The following TRRAP variants were observed in gnomAD, a reference collection of about 807,000 sequenced individuals.
TRRAP encodes transformation/transcription domain associated protein.
In TRRAP, 41 loss-of-function variants were observed where a neutral mutation model predicts 438.8. That is an observed-to-expected ratio of 0.09 (90% CI 0.07 to 0.12). TRRAP has a LOEUF of 0.12. Ranked by LOEUF, TRRAP falls within the 10% of genes least tolerant of loss-of-function variation. The pLI is 1.00. For synonymous variants in TRRAP, 1,994 were observed against 1,962.9 expected (o/e 1.02, Z -0.42); for missense variants, 3,122 against 5,055.1 (o/e 0.62, Z 11.60).
intron 58 of TRRAP, among the ~76,000 whole-genome samples, chr7:98,980,565 A>G (rs1792872013): frequency 6.6e-6 from 1 of 152,182 alleles, no homozygotes; most frequent in Non-Finnish European, 1.5e-5. Flanking sequence ...CGGTTGGCCC[A>G]GGCTCATCGG....
Position 98,925,260 on chromosome 7 carries a change from C to T in TRRAP, c.2972C>T (p.Pro991Leu). 1 of 1,613,498 alleles carries T rather than the reference C, an allele frequency of 6.2e-7. No homozygotes were observed. The change falls in exon 22 of 73, where the codon CCC becomes CTC. Residue 991 changes from proline (P) to leucine (L), a missense_variant. Coordinates refer to ENST00000456197, the MANE Select transcript of TRRAP (RefSeq NM_001375524.1). ...KHALYQLLAH[P>L]NFTEKTIPNV... is the part of the protein sequence containing the mutation. The stretch of plus-strand genomic sequence containing the variant: ...GCACTCTACCAGCTCCTGGCACACC[C>T]CAAGTATGTCGGCCACTTCCTTCTG...
At chr7:98,996,619 TTCTTA>T (rs765243586) in intron 67 of TRRAP, among the ~76,000 whole-genome samples, 2 of 152,242 alleles carry the variant, frequency 1.3e-5, no homozygotes, top group Admixed American at 6.5e-5. Context: ...TAATTTTCAT[TTCTTA>T]TCTTCAACTT....
intron 30 of TRRAP, among the ~76,000 whole-genome samples, chr7:98,942,540 C>G (rs1001882740): frequency 1.7e-4 from 26 of 152,276 alleles, no homozygotes; most frequent in African/African-American, 6.0e-4. Flanking sequence ...TTATGTTTAC[C>G]TTTTTCCTCA....
intron 18 of TRRAP, among the ~76,000 whole-genome samples, chr7:98,913,695 C>G (rs1410822112): frequency 6.6e-6 from 1 of 152,114 alleles, no homozygotes; most frequent in Non-Finnish European, 1.5e-5. Context: ...AAATTCTGAT[C>G]AGTCTGTGCT....
intron 51 of TRRAP, 65 bp downstream of exon 51, chr7:98,967,763 A>G: frequency 2.1e-6 from 3 of 1,460,862 alleles, no homozygotes; most frequent in Non-Finnish European, 2.8e-6. Context: ...TGGGGCTCCA[A>G]AGCCAGGAGG....
chr7:98,896,383 T>G (rs2116327853), intron 7 of TRRAP, among the ~76,000 whole-genome samples: 1 of 152,252 alleles, frequency 6.6e-6, no homozygotes, highest in African/African-American at 2.4e-5. Flanking sequence ...TCCAGACTCT[T>G]CTTCTGGGAA....
Position 98,964,735 on chromosome 7 carries a change from A to T in TRRAP, c.6936A>T (p.Leu2312Phe). ...TGCAGAAGATGGTCCGGGAGCATTT[A>T]AACCCTCAGGCAGCGTCAGGAAGCA... is the stretch of plus-strand genomic sequence containing the variant. ...RSLQKMVREH[L>F]NPQAASGSTE... Residue 2312 changes from leucine (L) to phenylalanine (F), a missense_variant, in exon 48 of 73, where the codon TTA becomes TTT. Leu to Phe is a conservative substitution (Grantham distance 22). This residue lies in a region of TRRAP where 992 missense variants were observed against 1,281.2 expected (regional missense o/e 0.77). Transcript: ENST00000456197. The T allele has an allele frequency of 6.2e-7, 1 of 1,613,580 alleles. No individual in the cohort carries two copies.
rs371961952 is a variant in TRRAP at position 98,931,482 on chromosome 7, C to T, written c.3669C>T (p.Asp1223=). 38 of 1,613,956 alleles carry T rather than the reference C, an allele frequency of 2.4e-5. No individual in the cohort carries two copies. Among genetic ancestry groups the T allele is most frequent in the Admixed American group, 1.0e-4 (6 of 59,990 alleles). ...TGCGGTGCGCAACGCCTTTAAAAGA[C>T]GAGGAGAGAGCCGAAGAGATCGTGG... is the stretch of plus-strand genomic sequence containing the variant. ...LLMRCATPLK[D]EERAEEIVAA... The change falls in exon 26 of 73, where the codon GAC becomes GAT. Residue 1223 remains aspartate, a synonymous_variant. Coordinates refer to ENST00000456197, the MANE Select transcript of TRRAP (RefSeq NM_001375524.1).
Position 98,937,160 on chromosome 7 carries a change from A to C in TRRAP, c.4116A>C (p.Ala1372=). 5 of 1,607,390 alleles carry C rather than the reference A, an allele frequency of 3.1e-6. No individual in the cohort carries two copies. The highest frequency in any genetic ancestry group is 4.2e-6 in the Non-Finnish European group (5 of 1,177,734). ...LVPLRIAALN[A]LAACNYLPQS... ...TCTTGATTTCTCTCCCTGAAGATGC[A>C]CTTGCTGCCTGCAATTACCTTCCTC... The change falls in exon 29 of 73, where the codon GCA becomes GCC. Residue 1372 remains alanine, a synonymous_variant. Coordinates refer to ENST00000456197, the MANE Select transcript of TRRAP (RefSeq NM_001375524.1).
intron 3 of TRRAP, among the ~76,000 whole-genome samples, chr7:98,884,980 AT>A (rs1795628700): frequency 6.6e-6 from 1 of 152,046 alleles, no homozygotes; most frequent in Admixed American, 6.6e-5. Context: ...TTTGTTACTT[AT>A]TTTTTTCACA....
In TRRAP at chr7:98,896,491, C is replaced by G. The variant is rs534466228; in HGVS notation, c.507+671C>G. 2.0e-5 allele frequency among the ~76,000 whole-genome samples: 3 copies of G among 152,152 alleles called. No individual in the cohort carries two copies. The South Asian group carries it at 6.2e-4, about 32-fold the overall frequency. ...GTGGCGTGATCTCTGCTCACCGCAG[C>G]CTCCACCTTCTGAGTTCAAGCAATT... On this transcript the variant is annotated intron_variant, in intron 7 of 72. Coordinates refer to ENST00000456197, the MANE Select transcript of TRRAP (RefSeq NM_001375524.1).
chr7:98,901,933 T>C (rs556159118), intron 11 of TRRAP, among the ~76,000 whole-genome samples: 1 of 152,366 alleles, frequency 6.6e-6, no homozygotes, highest in African/African-American at 2.4e-5. Context: ...GCCACAGATT[T>C]GTACCATTAC....
chr7:98,981,983 A>G lies in TRRAP; in HGVS notation c.8826+23A>G, dbSNP rs1173456435. ...CAGGTGCGTGCGGTGCCCCCATGCG[A>G]GCACAGGCCTGTGGCCTGTCGCAGC... On this transcript the variant is annotated intron_variant, in intron 59 of 72. Transcript: ENST00000456197. The G allele has an allele frequency of 3.9e-6, 6 of 1,541,422 alleles. No individual in the cohort carries two copies. The South Asian group carries it at 7.4e-5, about 19-fold the overall frequency.
intron 67 of TRRAP, among the ~76,000 whole-genome samples, chr7:98,998,244 G>T (rs1206815940): frequency 2.0e-5 from 3 of 152,120 alleles, no homozygotes; most frequent in Non-Finnish European, 4.4e-5. Context: ...GCTTGGGGAA[G>T]AAAATAAATA....
rs782151233 is a variant in TRRAP at position 98,950,995 on chromosome 7, T to C, written c.5454T>C (p.Phe1818=). The C allele has an allele frequency of 1.6e-5, 25 of 1,600,684 alleles. 1 individual carries two copies. Among genetic ancestry groups the C allele is most frequent in the African/African-American group, 2.7e-5 (2 of 74,088 alleles). The change falls in exon 39 of 73, where the codon TTT becomes TTC. Residue 1818 remains phenylalanine (F), a synonymous_variant. Coordinates refer to ENST00000456197, the MANE Select transcript of TRRAP (RefSeq NM_001375524.1). ...GDNPESITSV[F]ITKVLDPEKQ... ...ACCCAGAAAGCATCACCAGTGTGTT[T>C]ATTACCAAGGTGGTATCACTATGTG...
chr7:98,936,202 T>G (rs1790547693), intron 28 of TRRAP, among the ~76,000 whole-genome samples: 1 of 152,202 alleles, frequency 6.6e-6, no homozygotes, highest in South Asian at 2.1e-4. Flanking sequence ...AATACAAACT[T>G]TTTTGGTTGA....
At chr7:98,962,666 AG>A (rs1791965024) in intron 47 of TRRAP, among the ~76,000 whole-genome samples, 1 of 152,188 alleles carries the variant, frequency 6.6e-6, no homozygotes, top group South Asian at 2.1e-4. Context: ...CTTTGGTGTG[AG>A]GGATGTTGCC....
chr7:98,960,757 TTTTG>T (rs200417680), intron 45 of TRRAP, among the ~76,000 whole-genome samples: 4,081 of 90,344 alleles, frequency 0.045, 78 homozygotes, highest in South Asian at 0.13. Context: ...ATGCCTGGCT[TTTTG>T]TGTGTGTGTG....
At chr7:98,897,907 A>G in intron 8 of TRRAP, 41 bp downstream of exon 8, 3 of 1,610,850 alleles carry the variant, frequency 1.9e-6, no homozygotes, top group Non-Finnish European at 2.5e-6. Flanking sequence ...TGGCTCCTGT[A>G]GTTTCGGATA....
Sources: gnomAD v4.1 joint callset for allele counts (sites outside exome capture counted in the v4.1 genomes callset) on GRCh38, gnomAD v4.1.1 for gene constraint, gnomAD v4.1.1 regional missense constraint, MANE v1.5 for transcripts, NCBI Gene and HGNC (gene_info 2026-07-23, HGNC 2026-07-21) for gene names.